NOS2: variants seen among roughly 807,000 people sequenced by gnomAD.
NOS2 encodes nitric oxide synthase 2, also known as nitric oxide synthase, inducible.
In NOS2, 96 loss-of-function variants were observed where a neutral mutation model predicts 136.0. The ratio of observed to expected loss-of-function variants is 0.71; its 90% CI spans 0.60 to 0.84. The LOEUF (loss-of-function observed/expected upper bound fraction) is 0.84. Ranked by LOEUF, NOS2 falls within the 40% of genes least tolerant of loss-of-function variation. The probability of loss-of-function intolerance (pLI) is 0.00; values close to 1 mark genes in which losing one functional copy is unlikely to be tolerated. For synonymous variants in NOS2, 539 were observed against 587.5 expected, an observed-to-expected ratio of 0.92 and a Z score of 1.20; for missense variants, 1,237 against 1,496.9, an observed-to-expected ratio of 0.83 and a Z score of 2.87.
chr17:27,777,887 A>G (rs1308244151), intron 11 of NOS2, among the ~76,000 whole-genome samples: 1 of 152,242 alleles, frequency 6.6e-6, no homozygotes, highest in South Asian at 2.1e-4. Context: ...TCTACTAAAA[A>G]TATAAAAATT....
At chr17:27,758,771 C>T in intron 26 of NOS2, 110 bp downstream of exon 26, 2 of 867,212 alleles carry the variant, frequency 2.3e-6, no homozygotes, top group Non-Finnish European at 3.3e-6. Context: ...TCTTGGGGTC[C>T]AGAACCTTTC....
chr17:27,775,446 A>G (rs1422801789), intron 11 of NOS2, among the ~76,000 whole-genome samples: 2 of 152,164 alleles, frequency 1.3e-5, no homozygotes, highest in Non-Finnish European at 2.9e-5. Flanking sequence ...AAAAAATATA[A>G]TAATTAGCCA....
intron 6 of NOS2, 123 bp downstream of exon 6, chr17:27,782,821 G>T: frequency 2.2e-6 from 2 of 924,202 alleles, no homozygotes; most frequent in Non-Finnish European, 1.6e-6. Flanking sequence ...ATGTAAGAGA[G>T]GATCCAGGGC....
Position 27,773,295 on chromosome 17 carries a change from A to G in NOS2, c.1477-52T>C, listed in dbSNP as rs2248814. 0.64 allele frequency: 866,215 copies of G among 1,358,722 alleles called. 279,574 individuals carry two copies. The highest frequency in any genetic ancestry group is 0.81 in the African/African-American group (56,492 of 69,322). 84.2% of individuals were successfully genotyped at this position (1,358,722 alleles called of 1,614,324 possible). A position where few individuals can be genotyped will look rare whatever the true frequency, so the allele number is the denominator to read the frequency against. On this transcript the variant is annotated intron_variant, in intron 12 of 26. Coordinates refer to ENST00000313735, the MANE Select transcript of NOS2 (RefSeq NM_000625.4). Reference sequence around the variant, plus strand: ...GCAGGGCGGGGTCCTGGCTTGGCTCAGCTCGCGGATGCTGGAGTGGTAGAG... The same window carrying G: ...GCAGGGCGGGGTCCTGGCTTGGCTCGGCTCGCGGATGCTGGAGTGGTAGAG...
intron 11 of NOS2, among the ~76,000 whole-genome samples, chr17:27,776,292 G>A (rs891103989): frequency 3.9e-5 from 6 of 152,094 alleles, no homozygotes; most frequent in East Asian, 1.9e-4. Context: ...ATAAAAGTCC[G>A]GCCACCACTC....
At chr17:27,793,722 T>G in intron 2 of NOS2, 1 of 392,912 alleles carries the variant, frequency 2.5e-6, no homozygotes, top group Non-Finnish European at 4.5e-6. Context: ...GCAGCTCCGC[T>G]GGCTCCACGC....
At chr17:27,797,311 T>C (rs1360373221) in intron 2 of NOS2, among the ~76,000 whole-genome samples, 5 of 152,216 alleles carry the variant, frequency 3.3e-5, no homozygotes, top group Admixed American at 6.5e-5. Flanking sequence ...ATGCCAACAG[T>C]GCCATTTGCT....
At chr17:27,794,142 G>C (rs774018269) in intron 2 of NOS2, among the ~76,000 whole-genome samples, 1 of 152,122 alleles carries the variant, frequency 6.6e-6, no homozygotes, top group African/African-American at 2.4e-5. Flanking sequence ...CATTAGCTGG[G>C]GCCAGAGAGA....
At chr17:27,773,064 C>T in intron 13 of NOS2, 97 bp downstream of exon 13, 1 of 952,548 alleles carries the variant, frequency 1.0e-6, no homozygotes, top group Non-Finnish European at 1.7e-6. Context: ...ATAACCATTC[C>T]TTGTGTTCTT....
At chr17:27,767,663 C>G in intron 18 of NOS2, 42 bp downstream of exon 18, 2 of 1,606,110 alleles carry the variant, frequency 1.2e-6, no homozygotes, top group Non-Finnish European at 1.7e-6. Context: ...GGGCTCAGAC[C>G]CCAACACAAA....
intron 11 of NOS2, among the ~76,000 whole-genome samples, chr17:27,777,847 C>T (rs1336733824): frequency 6.6e-6 from 1 of 152,014 alleles, no homozygotes; most frequent in Non-Finnish European, 1.5e-5. Flanking sequence ...GAGTTCGGAA[C>T]CAACCTGGGC....
At chr17:27,766,815 G>A (rs934636589) in intron 18 of NOS2, among the ~76,000 whole-genome samples, 21 of 152,064 alleles carry the variant, frequency 1.4e-4, no homozygotes, top group African/African-American at 4.6e-4. Flanking sequence ...TGGAGGCCGC[G>A]GTGGGTGGAT....
chr17:27,773,024 G>T, intron 13 of NOS2, 137 bp downstream of exon 13: 1 of 772,168 alleles, frequency 1.3e-6, no homozygotes, highest in Non-Finnish European at 2.3e-6. Context: ...GACAGAGTAA[G>T]ACCCTGTCTC....
intron 23 of NOS2, 47 bp downstream of exon 23, chr17:27,761,097 C>T: frequency 2.0e-6 from 3 of 1,481,768 alleles, no homozygotes; most frequent in Non-Finnish European, 2.7e-6. Flanking sequence ...CCCGGAACTC[C>T]CAGGGGTCGG....
At chr17:27,773,083 A>G in intron 13 of NOS2, 78 bp downstream of exon 13, 1 of 1,120,416 alleles carries the variant, frequency 8.9e-7, no homozygotes, top group South Asian at 1.3e-5. Flanking sequence ...TTGCCCTTCA[A>G]GGACTGGAGG....
intron 2 of NOS2, among the ~76,000 whole-genome samples, chr17:27,791,916 G>C (rs952668247): frequency 2.0e-5 from 3 of 152,118 alleles, no homozygotes; most frequent in Non-Finnish European, 4.4e-5. Context: ...GTCCCCAGGG[G>C]ACAACTGCCC....
chr17:27,791,290 C>A (rs1423980773), intron 2 of NOS2, among the ~76,000 whole-genome samples: 1 of 152,180 alleles, frequency 6.6e-6, no homozygotes, highest in Non-Finnish European at 1.5e-5. Context: ...TTTACTCAGA[C>A]TTCTGAATCT....
chr17:27,760,104 TCTC>T lies in NOS2; in HGVS notation c.3082_3084del (p.Glu1028del), dbSNP rs1018411361. The T allele has an allele frequency of 1.2e-6, 2 of 1,606,600 alleles. No individual in the cohort carries two copies. The highest frequency in any genetic ancestry group is 1.7e-6 in the Non-Finnish European group (2 of 1,176,770). On this transcript the variant is annotated inframe_deletion, in exon 25 of 27. Transcript: ENST00000313735. ...ACCCCCTTCTGGGCCATCTCCAGCA[TCTC>T]CTCCTGGTAGATGTGGTCCTCATCT...
At position 27,798,911 on chromosome 17, in the gene NOS2, G is replaced by T. The variant is rs7359651; in HGVS notation, c.-73-29C>A. The stretch of plus-strand genomic sequence containing the variant: ...AAGAAGGGAAGCAGAGGTGAGGGAA[G>T]GTTGAAGAAGAGTTTACAGAACAGG... On this transcript the variant is annotated intron_variant, in intron 1 of 26. Coordinates refer to ENST00000313735, the MANE Select transcript of NOS2 (RefSeq NM_000625.4). 1.3e-4 allele frequency: 97 copies of T among 773,602 alleles called. No homozygotes were observed. The African/African-American group carries it at 1.5e-3, about 12-fold the overall frequency. The allele number at this position is 773,602 out of a possible 1,614,324, so 47.9% of individuals were successfully genotyped here.
Sources: gnomAD v4.1 joint callset for allele counts (sites outside exome capture counted in the v4.1 genomes callset) on GRCh38, gnomAD v4.1.1 for gene constraint, MANE v1.5 for transcripts, NCBI Gene and HGNC (gene_info 2026-07-23, HGNC 2026-07-21) for gene names.